The following PPIL3 variants were observed in gnomAD, a reference collection of about 807,000 sequenced individuals.
PPIL3 encodes the protein peptidylprolyl isomerase like 3.
In PPIL3, 13 loss-of-function variants were observed where a neutral mutation model predicts 20.9. The observed-to-expected ratio is 0.62, with a 90% CI of 0.40 to 0.99. The LOEUF (loss-of-function observed/expected upper bound fraction) is 0.99. Ranked by LOEUF, PPIL3 falls within the 50% of genes least tolerant of loss-of-function variation. The pLI is 0.00. For synonymous variants in PPIL3, 71 were observed against 64.4 expected (o/e 1.10, Z -0.49); for missense variants, 170 against 195.2 (o/e 0.87, Z 0.77).
intron 4 of PPIL3, 31 bp from the exon 5 acceptor site, chr2:200,881,519 G>C (rs768665366): frequency 6.4e-7 from 1 of 1,570,886 alleles, no homozygotes. Context: ...ATCAAAAGAA[G>C]TATTTAATTA....
intron 6 of PPIL3, among the ~76,000 whole-genome samples, chr2:200,873,797 A>G (rs1240233097): frequency 6.6e-6 from 1 of 151,862 alleles, no homozygotes; most frequent in Non-Finnish European, 1.5e-5. Flanking sequence ...AACCCGTCAC[A>G]TGAGGTCAGA....
chr2:200,888,523 T>C, intron 1 of PPIL3: 1 of 191,804 alleles, frequency 5.2e-6, no homozygotes, highest in Non-Finnish European at 1.1e-5. Context: ...GAACTTCTCT[T>C]TTTTTTTCAT....
intron 4 of PPIL3, 140 bp from the exon 5 acceptor site, chr2:200,881,628 A>C (rs917236322): frequency 8.9e-5 from 56 of 628,648 alleles, no homozygotes; most frequent in Admixed American, 2.0e-4. Flanking sequence ...TAATTCCCCA[A>C]ATTTAACTTC....
rs967171857 is a variant in PPIL3, at chr2:200,885,702, C to T, written c.74G>A (p.Cys25Tyr). 6.5e-6 allele frequency: 10 copies of T among 1,548,984 alleles called. No individual in the cohort carries two copies. Among genetic ancestry groups the T allele is most frequent in the Admixed American group, 1.7e-5 (1 of 58,768 alleles). The change falls in exon 3 of 7, where the codon TGT becomes TAT. Residue 25 changes from cysteine (C) to tyrosine (Y), a missense_variant. By Grantham distance (194) the Cys-to-Tyr change is radical. Transcript: ENST00000392283. ...EVFCERTPKTCENFLALCASN... is the reference protein window; with the variant it reads ...EVFCERTPKTYENFLALCASN... ...TATGTAAATAATAGTACTTACCTCA[C>T]ATGTTTTGGGTGTCCTCTCACAGAA...
chr2:200,878,037 C>T (rs939933733), intron 5 of PPIL3, among the ~76,000 whole-genome samples: 14 of 152,172 alleles, frequency 9.2e-5, no homozygotes, highest in African/African-American at 2.9e-4. Context: ...CATTGGGTGA[C>T]GCTAATAAGT....
intron 5 of PPIL3, among the ~76,000 whole-genome samples, chr2:200,879,417 C>A (rs2039637882): frequency 6.6e-6 from 1 of 152,110 alleles, no homozygotes. Context: ...CCGCGCCCGG[C>A]CTATATAATG....
chr2:200,874,668 A>T (rs2039448654), intron 6 of PPIL3, among the ~76,000 whole-genome samples: 1 of 152,240 alleles, frequency 6.6e-6, no homozygotes, highest in South Asian at 2.1e-4. Flanking sequence ...GGAGAAAATA[A>T]GAGGGAAACT....
intron 5 of PPIL3, among the ~76,000 whole-genome samples, chr2:200,879,270 C>A (rs2039629413): frequency 6.6e-6 from 1 of 152,096 alleles, no homozygotes; most frequent in Non-Finnish European, 1.5e-5. Flanking sequence ...AGGCACCCAC[C>A]ACCACACCTG....
At chr2:200,875,558 AC>A (rs934737985) in intron 6 of PPIL3, among the ~76,000 whole-genome samples, 1 of 149,376 alleles carries the variant, frequency 6.7e-6, no homozygotes, top group Non-Finnish European at 1.5e-5. Context: ...GAGCCACCGC[AC>A]CCGGCTTTTC....
At chr2:200,881,209 G>C (rs1301783241) in intron 5 of PPIL3, among the ~76,000 whole-genome samples, 1 of 152,204 alleles carries the variant, frequency 6.6e-6, no homozygotes, top group African/African-American at 2.4e-5. Context: ...TTACTATCAA[G>C]AGCCACGTGG....
At chr2:200,881,667 A>AG (rs2039732088) in intron 4 of PPIL3, 179 bp from the exon 5 acceptor site, 1 of 484,922 alleles carries the variant, frequency 2.1e-6, no homozygotes, top group African/African-American at 3.7e-5. Context: ...ACAGACCTAC[A>AG]AAAAACAAAA....
chr2:200,883,882 C>A (rs1190085464), intron 3 of PPIL3, among the ~76,000 whole-genome samples: 1 of 152,168 alleles, frequency 6.6e-6, no homozygotes, highest in Non-Finnish European at 1.5e-5. Flanking sequence ...CCCACCTTGG[C>A]CTCCCTTGTA....
chr2:200,873,599 C>G (rs1286307932), intron 6 of PPIL3, among the ~76,000 whole-genome samples: 1 of 151,892 alleles, frequency 6.6e-6, no homozygotes, highest in Admixed American at 6.6e-5. Flanking sequence ...TTCATGTTAC[C>G]ACCAAGAAAA....
intron 5 of PPIL3, among the ~76,000 whole-genome samples, chr2:200,880,990 G>A (rs2039701585): frequency 6.6e-6 from 1 of 152,136 alleles, no homozygotes. Flanking sequence ...TATTAATACA[G>A]GGATGTTCAA....
chr2:200,887,279 G>C (rs2039968385), intron 2 of PPIL3, among the ~76,000 whole-genome samples: 1 of 151,442 alleles, frequency 6.6e-6, no homozygotes, highest in Non-Finnish European at 1.5e-5. Context: ...TCAGCTACCG[G>C]GGAGGCTAAG....
At chr2:200,872,843 C>A (rs569752154) in intron 6 of PPIL3, among the ~76,000 whole-genome samples, 3 of 151,868 alleles carry the variant, frequency 2.0e-5, no homozygotes, top group African/African-American at 7.2e-5. Context: ...CAATGAGAGT[C>A]CTAAAGTAGG....
chr2:200,873,941 C>T (rs983410190), intron 6 of PPIL3, among the ~76,000 whole-genome samples: 1 of 151,810 alleles, frequency 6.6e-6, no homozygotes, highest in East Asian at 2.0e-4. Context: ...CGCAGTGGCT[C>T]ACGCCTGTAA....
At chr2:200,876,842 T>C in intron 6 of PPIL3, 77 bp downstream of exon 6, 1 of 1,104,868 alleles carries the variant, frequency 9.1e-7, no homozygotes, top group Non-Finnish European at 1.4e-6. Context: ...TCAATATTAG[T>C]TATGCTACTG....
rs1315881951 is a variant in PPIL3 at position 200,877,013 on chromosome 2, T to G, written c.265A>C (p.Met89Leu). 8 of 1,611,780 alleles carry G rather than the reference T, an allele frequency of 5.0e-6. No homozygotes were observed. The highest frequency in any genetic ancestry group is 5.9e-6 in the Non-Finnish European group (7 of 1,177,836). Residue 89 changes from methionine to leucine, a missense_variant, in exon 6 of 7, where the codon ATG becomes CTG. By Grantham distance (15) the Met-to-Leu change is conservative. Transcript: ENST00000392283. ...TTGGTGTTCGGGCCATTATTAGCCA[T>G]AGATACAACACCTCTAACATTGTGC... is the stretch of plus-strand genomic sequence containing the variant. ...LKHNVRGVVS[M>L]ANNGPNTNGS...
Sources: gnomAD v4.1 joint callset for allele counts (sites outside exome capture counted in the v4.1 genomes callset) on GRCh38, gnomAD v4.1.1 for gene constraint, MANE v1.5 for transcripts, NCBI Gene and HGNC (gene_info 2026-07-23, HGNC 2026-07-21) for gene names.